Variants in TTBK2 observed in about 807,000 individuals in gnomAD.
The protein encoded by TTBK2 is tau tubulin kinase 2.
TTBK2 carries 28 observed loss-of-function variants against 110.8 expected under a neutral mutation model. The observed-to-expected ratio is 0.25, with a 90% CI of 0.19 to 0.35. The LOEUF (loss-of-function observed/expected upper bound fraction) is 0.35. TTBK2 is among the 10% of genes least tolerant of loss of function. The probability of loss-of-function intolerance (pLI) is 1.00; values close to 1 mark genes in which losing one functional copy is unlikely to be tolerated. For synonymous variants in TTBK2, 532 were observed against 527.3 expected, an observed-to-expected ratio of 1.01 and a Z score of -0.12; for missense variants, 1,369 against 1,500.3, an observed-to-expected ratio of 0.91 and a Z score of 1.45.
intron 13 of TTBK2, among the ~76,000 whole-genome samples, chr15:42,766,293 C>G (rs891487352): frequency 6.6e-6 from 1 of 151,466 alleles, no homozygotes; most frequent in African/African-American, 2.4e-5. Flanking sequence ...TGTAAATGAG[C>G]TAAATGCCCC....
chr15:42,808,921 T>C (rs1891592455), intron 9 of TTBK2, among the ~76,000 whole-genome samples: 1 of 152,100 alleles, frequency 6.6e-6, no homozygotes, highest in Non-Finnish European at 1.5e-5. Context: ...CAGGAATGAA[T>C]CTCAAACTGT....
At chr15:42,878,717 A>G in intron 1 of TTBK2, 33 bp from the exon 2 acceptor site, 1 of 1,599,438 alleles carries the variant, frequency 6.3e-7, no homozygotes, top group Non-Finnish European at 8.5e-7. Flanking sequence ...TAGTAGCAGT[A>G]TTTAGGGTTA....
chr15:42,832,794 T>C (rs918056547), intron 4 of TTBK2, among the ~76,000 whole-genome samples: 1 of 152,172 alleles, frequency 6.6e-6, no homozygotes, highest in Non-Finnish European at 1.5e-5. Flanking sequence ...TACCTGCCCA[T>C]TAATCACTTA....
chr15:42,851,044 T>A (rs1893688018), intron 3 of TTBK2, among the ~76,000 whole-genome samples: 1 of 151,074 alleles, frequency 6.6e-6, no homozygotes, highest in African/African-American at 2.4e-5. Flanking sequence ...GCTAACACAG[T>A]GAGACCCCGT....
At chr15:42,842,631 A>G (rs1318205032) in intron 3 of TTBK2, among the ~76,000 whole-genome samples, 1 of 151,930 alleles carries the variant, frequency 6.6e-6, no homozygotes, top group Non-Finnish European at 1.5e-5. Context: ...TTTGCCTATA[A>G]TCCCAGCTAC....
intron 1 of TTBK2, among the ~76,000 whole-genome samples, chr15:42,905,417 G>A (rs763428844): frequency 1.3e-5 from 2 of 151,776 alleles, no homozygotes; most frequent in Non-Finnish European, 2.9e-5. Flanking sequence ...GGGACCACAG[G>A]CACACACCTA....
At chr15:42,918,683 C>T (rs921578329) in intron 1 of TTBK2, among the ~76,000 whole-genome samples, 3 of 152,096 alleles carry the variant, frequency 2.0e-5, no homozygotes, top group Non-Finnish European at 4.4e-5. Flanking sequence ...GCAAACTTCC[C>T]TTCTAGTATT....
chr15:42,742,026 A>T lies in TTBK2; in HGVS notation c.*3769T>A, dbSNP rs1310415185. The T allele has an allele frequency of 6.6e-6, 1 of 152,250 alleles. No homozygotes were observed. The highest frequency in any genetic ancestry group is 1.5e-5 in the Non-Finnish European group (1 of 68,046). The allele number at this position is 152,250 out of a possible 1,614,324, so 9.4% of individuals were successfully genotyped here. On this transcript the variant is annotated 3_prime_UTR_variant, in exon 15 of 15. Transcript: ENST00000267890. ...GATTGAATGCAACTATAGAAGTATT[A>T]GCATAAAAATATGTGGCCTGGAAGG...
intron 3 of TTBK2, 73 bp from the exon 4 acceptor site, chr15:42,840,506 T>G (rs1893176144): frequency 7.7e-7 from 1 of 1,307,184 alleles, no homozygotes; most frequent in Non-Finnish European, 1.1e-6. Flanking sequence ...TTTGCTTTTC[T>G]GTATAGTGTT....
chr15:42,783,620 A>G lies in TTBK2; in HGVS notation c.996T>C (p.Thr332=). ...CTCGAAGCAAGTCTCCAGGGATGGG[A>G]GTAGCATTGGCAATTCTACATATGA... The part of the protein sequence containing the change: ...TPAAIGIANA[T]PIPGDLLREN... Residue 332 remains threonine (T), a synonymous_variant, in exon 11 of 15, where the codon ACT becomes ACC. Coordinates refer to ENST00000267890, the MANE Select transcript of TTBK2 (RefSeq NM_173500.4). 1 of 1,614,024 alleles carries G rather than the reference A, an allele frequency of 6.2e-7. No homozygotes were observed. Among genetic ancestry groups the G allele is most frequent in the Non-Finnish European group, 8.5e-7 (1 of 1,179,962 alleles).
At chr15:42,834,471 C>A (rs1441317346) in intron 4 of TTBK2, among the ~76,000 whole-genome samples, 1 of 152,062 alleles carries the variant, frequency 6.6e-6, no homozygotes, top group Non-Finnish European at 1.5e-5. Flanking sequence ...GATTCCAGAT[C>A]TGGAGTATGA....
intron 3 of TTBK2, among the ~76,000 whole-genome samples, chr15:42,842,386 G>A (rs1161579480): frequency 9.2e-5 from 14 of 152,062 alleles, no homozygotes; most frequent in Admixed American, 9.2e-4. Context: ...TAAACCGGAA[G>A]TCATTAGTGA....
At chr15:42,920,858 CA>C (rs2031337483), upstream of TTBK2, 2 of 153,056 alleles carry the variant, frequency 1.3e-5, no homozygotes, top group Non-Finnish European at 2.9e-5. Flanking sequence ...TGCCAGCGCG[CA>C]CGCCCACCTC....
intron 11 of TTBK2, among the ~76,000 whole-genome samples, chr15:42,782,431 C>G (rs1304739046): frequency 6.6e-6 from 1 of 152,128 alleles, no homozygotes; most frequent in African/African-American, 2.4e-5. Flanking sequence ...AAGACATGTT[C>G]CCAACTCCCA....
chr15:42,834,196 A>AGGGGG (rs144301772), intron 4 of TTBK2, among the ~76,000 whole-genome samples: 1 of 124,318 alleles, frequency 8.0e-6, no homozygotes, highest in African/African-American at 3.4e-5. Flanking sequence ...AAAAAAAAAA[A>AGGGGG]GGGGGGGGGT....
chr15:42,784,635 A>G (rs1890330501), intron 10 of TTBK2, among the ~76,000 whole-genome samples: 1 of 152,234 alleles, frequency 6.6e-6, no homozygotes, highest in African/African-American at 2.4e-5. Context: ...TTGAACTCCA[A>G]ATAAAATACA....
intron 1 of TTBK2, among the ~76,000 whole-genome samples, chr15:42,916,652 T>C (rs1419956218): frequency 6.6e-6 from 1 of 152,208 alleles, no homozygotes; most frequent in Non-Finnish European, 1.5e-5. Flanking sequence ...ATAAAACTTT[T>C]AGATATTTTT....
At chr15:42,777,941 C>A (rs1890003354) in intron 11 of TTBK2, among the ~76,000 whole-genome samples, 1 of 151,974 alleles carries the variant, frequency 6.6e-6, no homozygotes, top group Non-Finnish European at 1.5e-5. Context: ...GAAACACAAG[C>A]CAGTCTTCCT....
At chr15:42,819,955 C>T (rs1309915892) in intron 6 of TTBK2, among the ~76,000 whole-genome samples, 1 of 152,160 alleles carries the variant, frequency 6.6e-6, no homozygotes, top group Non-Finnish European at 1.5e-5. Flanking sequence ...GCAGCCTAGT[C>T]CACAGTTGAT....
Sources: gnomAD v4.1 joint callset for allele counts (sites outside exome capture counted in the v4.1 genomes callset) on GRCh38, gnomAD v4.1.1 for gene constraint, MANE v1.5 for transcripts, NCBI Gene and HGNC (gene_info 2026-07-23, HGNC 2026-07-21) for gene names.